Variants in SPRYD7 observed in about 807,000 individuals in gnomAD.
SPRYD7 encodes SPRY domain-containing protein 7.
SPRYD7 carries 14 observed loss-of-function variants against 23.8 expected under a neutral mutation model. The ratio of observed to expected loss-of-function variants is 0.59; its 90% CI spans 0.39 to 0.92. SPRYD7 has a LOEUF of 0.92. Ranked by LOEUF, SPRYD7 falls within the 40% of genes least tolerant of loss-of-function variation. SPRYD7 has a pLI of 0.00. For synonymous variants in SPRYD7, 75 were observed against 84.9 expected (o/e 0.88, Z 0.64); for missense variants, 194 against 241.7 (o/e 0.80, Z 1.31).
At chr13:49,923,425 G>C (rs1955842106) in intron 3 of SPRYD7, among the ~76,000 whole-genome samples, 5 of 152,006 alleles carry the variant, frequency 3.3e-5, no homozygotes, top group Admixed American at 3.3e-4. Context: ...TGCATTTTTA[G>C]TAGAGATGGG....
chr13:49,921,337 A>C (rs1955817418), intron 4 of SPRYD7, 141 bp downstream of exon 4: 1 of 561,346 alleles, frequency 1.8e-6, no homozygotes, highest in Admixed American at 2.6e-5. Context: ...AGCTCTGTGG[A>C]ACTGTGAGTC....
intron 1 of SPRYD7, 97 bp downstream of exon 1, chr13:49,936,033 G>T: frequency 1.5e-6 from 1 of 675,506 alleles, no homozygotes; most frequent in Non-Finnish European, 2.2e-6. Context: ...CGCCGGCGCG[G>T]CGGGGCAGCG....
At chr13:49,916,746 T>G (rs2138210404) in intron 4 of SPRYD7, among the ~76,000 whole-genome samples, 1 of 152,288 alleles carries the variant, frequency 6.6e-6, no homozygotes, top group Middle Eastern at 3.4e-3. Flanking sequence ...GGGCTTAGAA[T>G]GTTTATAAGC....
chr13:49,935,986 G>C, intron 1 of SPRYD7, 144 bp downstream of exon 1: 1 of 498,162 alleles, frequency 2.0e-6, no homozygotes, highest in Non-Finnish European at 3.5e-6. Context: ...CCGGCTTCTG[G>C]AGAGATCTGC....
chr13:49,932,508 T>A (rs996555727), intron 1 of SPRYD7, among the ~76,000 whole-genome samples: 1 of 152,212 alleles, frequency 6.6e-6, no homozygotes, highest in Non-Finnish European at 1.5e-5. Flanking sequence ...ATATACATAA[T>A]TCTAACATGT....
chr13:49,929,900 C>T (rs1955928310), intron 2 of SPRYD7, among the ~76,000 whole-genome samples: 1 of 152,138 alleles, frequency 6.6e-6, no homozygotes, highest in Non-Finnish European at 1.5e-5. Context: ...GGCAATTCTC[C>T]TGCCTTAGCC....
In SPRYD7 at chr13:49,912,732, T is replaced by A. The variant is rs1386537005; in HGVS notation, c.*2331A>T. On this transcript the variant is annotated 3_prime_UTR_variant, in exon 5 of 5. Transcript: ENST00000361840. The stretch of plus-strand genomic sequence containing the variant: ...ATAGCAAACAGTAGTCACTTTAATT[T>A]GCTTTCCCAAGTAAGCACATTCTTT... 3 of 152,232 alleles carry A rather than the reference T, an allele frequency of 2.0e-5. No individual in the cohort carries two copies. Among genetic ancestry groups the A allele is most frequent in the African/African-American group, 7.2e-5 (3 of 41,458 alleles). 9.4% of individuals were successfully genotyped at this position (152,232 alleles called of 1,614,324 possible). A position where few individuals can be genotyped will look rare whatever the true frequency, so the allele number is the denominator to read the frequency against.
chr13:49,913,886 A>T lies in SPRYD7; in HGVS notation c.*1177T>A, dbSNP rs1955722518. 1 of 152,236 alleles carries T rather than the reference A, an allele frequency of 6.6e-6. No homozygotes were observed. The highest frequency in any genetic ancestry group is 1.5e-5 in the Non-Finnish European group (1 of 68,048). The allele number at this position is 152,236 out of a possible 1,614,324, so 9.4% of individuals were successfully genotyped here. A position where few individuals can be genotyped will look rare whatever the true frequency, so the allele number is the denominator to read the frequency against. ...TTACCTTATTTAATCATAGAATCTT[A>T]TGTCAGTATGATTGCTCCTTTTATA... On this transcript the variant is annotated 3_prime_UTR_variant, in exon 5 of 5. Transcript: ENST00000361840.
rs776516425 is a variant in SPRYD7 at position 49,915,061 on chromosome 13, A to T, written c.*2T>A. The stretch of plus-strand genomic sequence containing the variant: ...AAATACAAGTTTTAAAAACAAATAC[A>T]TTCAGAAGATTTGCTGTTCAAATAA... On this transcript the variant is annotated 3_prime_UTR_variant, in exon 5 of 5. Transcript: ENST00000361840. 5.2e-6 allele frequency: 8 copies of T among 1,531,364 alleles called. No individual in the cohort carries two copies. The highest frequency in any genetic ancestry group is 7.1e-6 in the Non-Finnish European group (8 of 1,126,094). 94.9% of individuals were successfully genotyped at this position (1,531,364 alleles called of 1,614,324 possible).
chr13:49,919,788 C>A (rs1594510101), intron 4 of SPRYD7, among the ~76,000 whole-genome samples: 3 of 132,150 alleles, frequency 2.3e-5, no homozygotes, highest in African/African-American at 2.8e-5. Flanking sequence ...TTGATAAAGA[C>A]ATTGTGGTTA....
chr13:49,913,687 TA>T lies in SPRYD7; in HGVS notation c.*1375del, dbSNP rs1466267529. The stretch of plus-strand genomic sequence containing the variant: ...ACAGGCGCCCGCCACCACACCTGGC[TA>T]ATTTTTTTTGTATTTTTTTAGTAGA... On this transcript the variant is annotated 3_prime_UTR_variant, in exon 5 of 5. Coordinates refer to ENST00000361840, the MANE Select transcript of SPRYD7 (RefSeq NM_020456.4). The T allele has an allele frequency of 2.0e-5, 3 of 151,828 alleles. No individual in the cohort carries two copies. Among genetic ancestry groups the T allele is most frequent in the African/African-American group, 7.3e-5 (3 of 41,348 alleles). 9.4% of individuals were successfully genotyped at this position (151,828 alleles called of 1,614,324 possible).
Position 49,912,925 on chromosome 13 carries a change from A to G in SPRYD7, c.*2138T>C, listed in dbSNP as rs1955707211. 6.6e-6 allele frequency: 1 copy of G among 152,196 alleles called. No individual in the cohort carries two copies. The highest frequency in any genetic ancestry group is 1.5e-5 in the Non-Finnish European group (1 of 68,036). The allele number at this position is 152,196 out of a possible 1,614,324, so 9.4% of individuals were successfully genotyped here. A position where few individuals can be genotyped will look rare whatever the true frequency, so the allele number is the denominator to read the frequency against. ...CATTTTTGTCTGCAGAATAAACAAT[A>G]AAAAAGGATTTTGCAGGATTCTCTG... On this transcript the variant is annotated 3_prime_UTR_variant, in exon 5 of 5. Transcript: ENST00000361840.
chr13:49,934,411 C>T (rs1871517507), intron 1 of SPRYD7, among the ~76,000 whole-genome samples: 2 of 151,640 alleles, frequency 1.3e-5, no homozygotes, highest in South Asian at 4.2e-4. Context: ...AAAAATTAGC[C>T]GGGCTTGATG....
intron 3 of SPRYD7, 58 bp from the exon 4 acceptor site, chr13:49,921,638 T>C (rs1955822593): frequency 9.4e-7 from 1 of 1,062,030 alleles, no homozygotes; most frequent in Non-Finnish European, 1.5e-6. Context: ...AAGCATTGAC[T>C]GGGAAGTATG....
At position 49,914,986 on chromosome 13, in the gene SPRYD7, A is replaced by G; in HGVS notation, c.*77T>C. 1 of 751,980 alleles carries G rather than the reference A, an allele frequency of 1.3e-6. No homozygotes were observed. Among genetic ancestry groups the G allele is most frequent in the Non-Finnish European group, 2.1e-6 (1 of 470,084 alleles). The allele number at this position is 751,980 out of a possible 1,614,324, so 46.6% of individuals were successfully genotyped here. ...TATTTTTAAGAATATATTTTCATCT[A>G]TAGGCCAGGTAAAGTTTTATTAAAT... is the stretch of plus-strand genomic sequence containing the variant. On this transcript the variant is annotated 3_prime_UTR_variant, in exon 5 of 5. Coordinates refer to ENST00000361840, the MANE Select transcript of SPRYD7 (RefSeq NM_020456.4).
chr13:49,929,172 C>T (rs987757398), intron 2 of SPRYD7, among the ~76,000 whole-genome samples: 3 of 152,216 alleles, frequency 2.0e-5, no homozygotes, highest in Non-Finnish European at 4.4e-5. Flanking sequence ...GAGCTAGGCA[C>T]GGTGGCTTGA....
At chr13:49,920,280 C>CAAAACA (rs1594510541) in intron 4 of SPRYD7, among the ~76,000 whole-genome samples, 1 of 142,096 alleles carries the variant, frequency 7.0e-6, no homozygotes, top group East Asian at 2.0e-4. Context: ...CAAAACAAAA[C>CAAAACA]AAAAAAACAA....
chr13:49,924,967 A>C (rs1429788774), intron 3 of SPRYD7, among the ~76,000 whole-genome samples: 4 of 143,234 alleles, frequency 2.8e-5, no homozygotes, highest in Admixed American at 2.1e-4. Flanking sequence ...CAAGAGCAAA[A>C]CTCCATCTCA....
chr13:49,927,791 C>G, intron 3 of SPRYD7, 128 bp downstream of exon 3: 1 of 935,236 alleles, frequency 1.1e-6, no homozygotes, highest in Non-Finnish European at 1.6e-6. Context: ...GGAAAATGCA[C>G]CATCTCATTA....
Sources: gnomAD v4.1 joint callset for allele counts (sites outside exome capture counted in the v4.1 genomes callset) on GRCh38, gnomAD v4.1.1 for gene constraint, MANE v1.5 for transcripts, NCBI Gene and HGNC (gene_info 2026-07-23, HGNC 2026-07-21) for gene names.